EXTL2: variants seen among roughly 807,000 people sequenced by gnomAD.
EXTL2 encodes the protein exostosin-like 2.
In EXTL2, 23 loss-of-function variants were observed where a neutral mutation model predicts 30.7. That is an observed-to-expected ratio of 0.75 (90% CI 0.54 to 1.06). The LOEUF is 1.06. EXTL2 is among the 50% of genes least tolerant of loss of function. The pLI, the probability that EXTL2 is intolerant of heterozygous loss-of-function variation, is 0.00. For missense variants in EXTL2, 352 were observed against 396.3 expected, an observed-to-expected ratio of 0.89 and a Z score of 0.95; for synonymous variants, 123 against 133.8, an observed-to-expected ratio of 0.92 and a Z score of 0.56.
chr1:100,884,557 G>T (rs907695373), intron 2 of EXTL2, among the ~76,000 whole-genome samples: 7 of 152,174 alleles, frequency 4.6e-5, no homozygotes, highest in Non-Finnish European at 8.8e-5. Context: ...GGCGCATGTG[G>T]TGCCAAATTC....
At chr1:100,891,820 A>G (rs184440997) in intron 1 of EXTL2, among the ~76,000 whole-genome samples, 135 of 152,290 alleles carry the variant, frequency 8.9e-4, no homozygotes, top group Admixed American at 3.0e-3. Context: ...TGGCCTTTCA[A>G]TCATTTTACA....
intron 2 of EXTL2, among the ~76,000 whole-genome samples, chr1:100,881,926 C>T (rs1649590064): frequency 6.6e-6 from 1 of 152,182 alleles, no homozygotes. Flanking sequence ...AATGGGTAAG[C>T]AAGCATTACC....
At chr1:100,878,276 A>G (rs1258464389) in intron 2 of EXTL2, 20 of 357,562 alleles carry the variant, frequency 5.6e-5, no homozygotes. Context: ...GTAGTAGCAG[A>G]CTTTTTCCCA....
intron 1 of EXTL2, among the ~76,000 whole-genome samples, chr1:100,890,958 G>A (rs541890695): frequency 1.5e-4 from 23 of 152,356 alleles, no homozygotes; most frequent in Admixed American, 7.8e-4. Context: ...ATGACCTGCT[G>A]AGGTGCTTGC....
chr1:100,878,002 T>C (rs931782670), intron 2 of EXTL2, 99 bp from the exon 3 acceptor site: 1 of 935,436 alleles, frequency 1.1e-6, no homozygotes, highest in Non-Finnish European at 1.6e-6. Flanking sequence ...AATCTTATTT[T>C]AGTTGATTCA....
At chr1:100,881,790 T>C (rs1649577230) in intron 2 of EXTL2, among the ~76,000 whole-genome samples, 1 of 152,194 alleles carries the variant, frequency 6.6e-6, no homozygotes, top group African/African-American at 2.4e-5. Context: ...AGAGAACACA[T>C]CCTTTTAGTT....
In EXTL2 at chr1:100,877,117, A is replaced by C. The variant is rs529195343; in HGVS notation, c.434-253T>G. On this transcript the variant is annotated intron_variant, in intron 3 of 4. Coordinates refer to ENST00000370114, the MANE Select transcript of EXTL2 (RefSeq NM_001033025.3). This position sits in a 1 kb window ranked among gnomAD's most constrained non-coding sequence, Gnocchi z 4.1. The stretch of plus-strand genomic sequence containing the variant: ...CATCCTAGAAACTATTGGGCCTATA[A>C]ATGAATAAAGCCAAGATTCTTTTAA... Among the ~76,000 whole-genome samples the C allele has an allele frequency of 3.3e-4, 50 of 152,208 alleles. No individual in the cohort carries two copies. The highest frequency in any genetic ancestry group is 1.1e-3 in the Admixed American group (17 of 15,270).
chr1:100,892,321 C>T (rs537483498), intron 1 of EXTL2, among the ~76,000 whole-genome samples: 1 of 152,270 alleles, frequency 6.6e-6, no homozygotes, highest in Admixed American at 6.5e-5. Context: ...AGTATTTGGG[C>T]TTCATCTTTC....
At position 100,873,992 on chromosome 1, in the gene EXTL2, T is replaced by C. The variant is rs777806635; in HGVS notation, c.943A>G (p.Met315Val). Residue 315 changes from methionine (M) to valine (V), a missense_variant, in exon 5 of 5, where the codon ATG (methionine) becomes GTG (valine). Transcript: ENST00000370114. Reference sequence around the variant, plus strand: ...TATGGAAAACCAAACTGGGAAATCATAATGTTGGAGTATCTTAAGGGCATG... The same window carrying C: ...TATGGAAAACCAAACTGGGAAATCACAATGTTGGAGTATCTTAAGGGCATG... Reference protein sequence around the residue: ...DSMPLRYSNIMISQFGFPYAN... With the variant: ...DSMPLRYSNIVISQFGFPYAN... 6.3e-7 allele frequency: 1 copy of C among 1,588,920 alleles called. No homozygotes were observed.
At chr1:100,892,244 CACCATCCAATTGGCTGCCAGCCTGGCT>C (rs1318867215) in intron 1 of EXTL2, among the ~76,000 whole-genome samples, 3 of 152,132 alleles carry the variant, frequency 2.0e-5, no homozygotes, top group Non-Finnish European at 1.5e-5. Flanking sequence ...TGTGGGTGGG[CACCATCCAATTGGCTGCCAGCCTGGCT>C]ACGAAAAGCA....
At chr1:100,895,156 A>T (rs1650798094), upstream of EXTL2, 1 of 152,204 alleles carries the variant, frequency 6.6e-6, no homozygotes, top group Non-Finnish European at 1.5e-5. Flanking sequence ...CGTTGCTGAA[A>T]CTGGCCTGGA....
intron 4 of EXTL2, among the ~76,000 whole-genome samples, chr1:100,875,951 T>A (rs999896494): frequency 6.6e-6 from 1 of 152,078 alleles, no homozygotes; most frequent in East Asian, 1.9e-4. Context: ...TGGAAAAATT[T>A]CGTTGGTCAG....
intron 2 of EXTL2, chr1:100,885,912 T>C (rs1237564021): frequency 1.3e-5 from 2 of 152,194 alleles, no homozygotes; most frequent in Non-Finnish European, 2.9e-5. Context: ...TTTTCACAAA[T>C]CTAAAACAAA....
chr1:100,880,257 T>G (rs922837693), intron 2 of EXTL2, among the ~76,000 whole-genome samples: 2 of 151,714 alleles, frequency 1.3e-5, no homozygotes, highest in African/African-American at 4.8e-5. Flanking sequence ...AAAGGAAGAG[T>G]TTGTTCACAA....
At chr1:100,885,892 C>G (rs777423276) in intron 2 of EXTL2, 9 of 152,138 alleles carry the variant, frequency 5.9e-5, no homozygotes, top group Admixed American at 6.5e-5. Context: ...CTTCTTAATT[C>G]CTGTTACTTT....
chr1:100,881,892 T>G (rs1381502590), intron 2 of EXTL2, among the ~76,000 whole-genome samples: 1 of 152,190 alleles, frequency 6.6e-6, no homozygotes, highest in Non-Finnish European at 1.5e-5. Context: ...TGTTAGGAAC[T>G]GGGCTGCACA....
At chr1:100,881,076 T>C (rs1474543827) in intron 2 of EXTL2, 3 of 969,094 alleles carry the variant, frequency 3.1e-6, no homozygotes, top group East Asian at 2.3e-4. Context: ...TTTCAGGAGA[T>C]ATGAATAATT....
At chr1:100,882,029 G>A (rs1649599784) in intron 2 of EXTL2, among the ~76,000 whole-genome samples, 1 of 152,186 alleles carries the variant, frequency 6.6e-6, no homozygotes, top group Non-Finnish European at 1.5e-5. Flanking sequence ...AGGGATCTAG[G>A]CTGCATGCTC....
In EXTL2 at chr1:100,877,710, T is replaced by C. The variant is rs1271243723; in HGVS notation, c.199A>G (p.Thr67Ala). 1 of 1,613,498 alleles carries C rather than the reference T, an allele frequency of 6.2e-7. No individual in the cohort carries two copies. Among genetic ancestry groups the C allele is most frequent in the East Asian group, 2.2e-5 (1 of 44,872 alleles). Residue 67 changes from threonine (T) to alanine (A), a missense_variant, in exon 3 of 5, where the codon ACT (threonine) becomes GCT (alanine). Transcript: ENST00000370114. The surrounding 1 kb of genome is among the most constrained non-coding windows in gnomAD (Gnocchi z 4.1). ...SQGKSTMDSF[T>A]LIMQTYNRTD... Reference sequence around the variant, plus strand: ...CTGTTGTACGTCTGCATTATGAGAGTAAAGGAGTCCATGGTGGACTTGCCC... The same window carrying C: ...CTGTTGTACGTCTGCATTATGAGAGCAAAGGAGTCCATGGTGGACTTGCCC...
Sources: allele counts gnomAD v4.1 joint callset (sites outside exome capture counted in the v4.1 genomes callset), GRCh38; gene constraint gnomAD v4.1.1; non-coding constraint Gnocchi (gnomAD v3.1); transcripts MANE v1.5; gene names NCBI Gene and HGNC (gene_info 2026-07-23, HGNC 2026-07-21).